PKNOX1: variants seen among roughly 807,000 people sequenced by gnomAD.
The protein encoded by PKNOX1 is PBX/knotted 1 homeobox 1, also known as homeobox protein PKNOX1.
Under a neutral mutation model 51.9 loss-of-function variants are expected in PKNOX1, and 15 were observed. The observed-to-expected ratio is 0.29, with a 90% confidence interval of 0.19 to 0.45. The LOEUF is 0.45. PKNOX1 is among the 20% of genes least tolerant of loss of function. PKNOX1 has a pLI of 1.00. For synonymous variants in PKNOX1, 219 were observed against 211.1 expected (o/e 1.04, Z -0.32); for missense variants, 462 against 547.5 (o/e 0.84, Z 1.56).
At chr21:43,023,393 G>C (rs2146290855) in intron 8 of PKNOX1, among the ~76,000 whole-genome samples, 1 of 152,140 alleles carries the variant, frequency 6.6e-6, no homozygotes, top group South Asian at 2.1e-4. Flanking sequence ...CGCACTCAGT[G>C]TTCCTTTCAC....
intron 1 of PKNOX1, among the ~76,000 whole-genome samples, chr21:42,977,562 T>G (rs1048342953): frequency 9.4e-6 from 1 of 106,358 alleles, no homozygotes; most frequent in South Asian, 3.3e-4. Context: ...TTTTTTTTTT[T>G]TTGAGATGGA....
intron 1 of PKNOX1, among the ~76,000 whole-genome samples, chr21:42,987,501 G>A (rs2059060437): frequency 6.8e-6 from 1 of 147,196 alleles, no homozygotes; most frequent in African/African-American, 2.5e-5. Flanking sequence ...TTTTTAAAAA[G>A]TATCACTTGT....
chr21:43,014,019 CTTTTT>C (rs149943829), intron 5 of PKNOX1, among the ~76,000 whole-genome samples: 1 of 120,428 alleles, frequency 8.3e-6, no homozygotes, highest in African/African-American at 3.4e-5. Flanking sequence ...TGTCTTTTGC[CTTTTT>C]TTTTTTTTTT....
At chr21:43,025,951 G>A (rs1979968971) in intron 9 of PKNOX1, among the ~76,000 whole-genome samples, 1 of 152,108 alleles carries the variant, frequency 6.6e-6, no homozygotes, top group South Asian at 2.1e-4. Context: ...TACTATTTGC[G>A]TTATTTCCTG....
chr21:43,002,872 A>T (rs1479121151), intron 1 of PKNOX1, among the ~76,000 whole-genome samples: 1 of 152,120 alleles, frequency 6.6e-6, no homozygotes, highest in Non-Finnish European at 1.5e-5. Flanking sequence ...GCATGCCACC[A>T]TGCCCGGCTA....
At chr21:42,999,736 C>T (rs1978664677) in intron 1 of PKNOX1, among the ~76,000 whole-genome samples, 1 of 152,188 alleles carries the variant, frequency 6.6e-6, no homozygotes, top group Non-Finnish European at 1.5e-5. Context: ...GCCTCAGACT[C>T]CCAAAGTGCT....
intron 3 of PKNOX1, among the ~76,000 whole-genome samples, chr21:43,008,925 A>G (rs987887611): frequency 3.9e-5 from 6 of 152,262 alleles, no homozygotes; most frequent in African/African-American, 1.2e-4. Context: ...ACAGCCTATC[A>G]TGGCCAAAAG....
At chr21:42,979,697 G>A (rs1454897993) in intron 1 of PKNOX1, among the ~76,000 whole-genome samples, 1 of 151,958 alleles carries the variant, frequency 6.6e-6, no homozygotes, top group Non-Finnish European at 1.5e-5. Flanking sequence ...AGCCGAGATC[G>A]CGCCACTGCA....
At chr21:42,993,482 G>A (rs1395749045) in intron 1 of PKNOX1, among the ~76,000 whole-genome samples, 1 of 151,338 alleles carries the variant, frequency 6.6e-6, no homozygotes, top group Non-Finnish European at 1.5e-5. Flanking sequence ...AAGTGGTTGT[G>A]TCCAAAGAGA....
intron 3 of PKNOX1, among the ~76,000 whole-genome samples, chr21:43,009,214 G>A (rs1364787938): frequency 1.3e-5 from 2 of 152,202 alleles, no homozygotes; most frequent in African/African-American, 4.8e-5. Context: ...TTGGGAGGCT[G>A]AGGCGGTTGG....
intron 1 of PKNOX1, among the ~76,000 whole-genome samples, chr21:42,991,119 G>C (rs1407085914): frequency 6.6e-6 from 1 of 152,086 alleles, no homozygotes; most frequent in African/African-American, 2.4e-5. Flanking sequence ...CCTGAACCTT[G>C]TCAAAACTAT....
intron 4 of PKNOX1, among the ~76,000 whole-genome samples, chr21:43,012,267 T>C (rs1241836268): frequency 6.6e-6 from 1 of 152,070 alleles, no homozygotes; most frequent in Non-Finnish European, 1.5e-5. Context: ...AATATAAAAC[T>C]ATACAACTTT....
chr21:42,986,017 A>AAATT (rs34594458), intron 1 of PKNOX1, among the ~76,000 whole-genome samples: 1 of 147,510 alleles, frequency 6.8e-6, no homozygotes, highest in Non-Finnish European at 1.5e-5. Flanking sequence ...AAAAAAAAAA[A>AAATT]TTAAAAAAAA....
rs373121569 is a variant in PKNOX1, at chr21:43,013,166, G to A, written c.450G>A (p.Leu150=). Residue 150 remains leucine (L), a synonymous_variant, in exon 5 of 11, where the codon CTG becomes CTA. Coordinates refer to ENST00000291547, the MANE Select transcript of PKNOX1 (RefSeq NM_004571.5). The part of the protein sequence containing the change: ...KDFCSRYIAC[L]KTKMNSETLL... ...TCTGCAGTCGATACATTGCTTGTCT[G>A]AAAACAAAAATGAACAGTGAAACTC... is the stretch of plus-strand genomic sequence containing the variant. The A allele has an allele frequency of 2.1e-5, 34 of 1,613,808 alleles. No individual in the cohort carries two copies. Among genetic ancestry groups the A allele is most frequent in the South Asian group, 1.5e-4 (14 of 91,060 alleles).
intron 7 of PKNOX1, among the ~76,000 whole-genome samples, chr21:43,018,839 C>T (rs909973530): frequency 6.6e-6 from 1 of 152,112 alleles, no homozygotes; most frequent in Non-Finnish European, 1.5e-5. Flanking sequence ...TCTGTAATCC[C>T]AGTACTTTGG....
intron 8 of PKNOX1, among the ~76,000 whole-genome samples, chr21:43,022,587 C>T (rs1019031763): frequency 6.6e-6 from 1 of 152,158 alleles, no homozygotes; most frequent in African/African-American, 2.4e-5. Context: ...GAGCCGCTTC[C>T]ATGGGCATAA....
intron 9 of PKNOX1, among the ~76,000 whole-genome samples, chr21:43,026,317 C>G (rs1979981182): frequency 6.6e-6 from 1 of 152,172 alleles, no homozygotes; most frequent in Admixed American, 6.5e-5. Context: ...TTCCAAATTT[C>G]TGAAATCTTT....
At chr21:43,016,322 T>C (rs1053250263) in intron 5 of PKNOX1, among the ~76,000 whole-genome samples, 3 of 152,208 alleles carry the variant, frequency 2.0e-5, no homozygotes, top group African/African-American at 7.2e-5. Context: ...TGGGGCTCGC[T>C]GTAGGCCGGG....
At chr21:43,008,061 T>TCTCACACACACA (rs59792199) in intron 3 of PKNOX1, among the ~76,000 whole-genome samples, 2,425 of 146,834 alleles carry the variant, frequency 0.017, 64 homozygotes, top group African/African-American at 0.052. Context: ...CAAAACTCTG[T>TCTCACACACACA]CACACACACA....
Sources: allele counts gnomAD v4.1 joint callset (sites outside exome capture counted in the v4.1 genomes callset), GRCh38; gene constraint gnomAD v4.1.1; transcripts MANE v1.5; gene names NCBI Gene and HGNC (gene_info 2026-07-23, HGNC 2026-07-21).